The following DUSP8 variants were observed in gnomAD, a reference collection of about 807,000 sequenced individuals.
DUSP8 encodes dual specificity phosphatase 8.
DUSP8 carries 15 observed loss-of-function variants against 38.7 expected under a neutral mutation model. The ratio of observed to expected loss-of-function variants is 0.39; its 90% confidence interval spans 0.26 to 0.60. The LOEUF (loss-of-function observed/expected upper bound fraction) is 0.60, where lower values mean the gene tolerates loss of function less well. Among genes scored for constraint, DUSP8 ranks in the 20% least tolerant of loss-of-function variants. DUSP8 has a pLI of 0.56. For synonymous variants in DUSP8, 458 were observed against 433.9 expected, an observed-to-expected ratio of 1.06 and a Z score of -0.69; for missense variants, 768 against 915.0, an observed-to-expected ratio of 0.84 and a Z score of 2.07.
At chr11:1,562,690 T>TGC (rs1370811536) in intron 3 of DUSP8, among the ~76,000 whole-genome samples, 1 of 102,750 alleles carries the variant, frequency 9.7e-6, no homozygotes, top group Non-Finnish European at 2.1e-5. Flanking sequence ...TGCATGCACA[T>TGC]GCACACACAC....
At chr11:1,560,122 A>G (rs1157144362) in intron 3 of DUSP8, among the ~76,000 whole-genome samples, 1 of 152,066 alleles carries the variant, frequency 6.6e-6, no homozygotes, top group African/African-American at 2.4e-5. Flanking sequence ...ATGGCCCAGC[A>G]CCACCCCGAG....
chr11:1,556,171 A>T lies in DUSP8; in HGVS notation c.*347T>A. The T allele has an allele frequency of 4.7e-6, 1 of 214,420 alleles. No homozygotes were observed. The highest frequency in any genetic ancestry group is 9.2e-6 in the Non-Finnish European group (1 of 108,966). The allele number at this position is 214,420 out of a possible 1,614,324, so 13.3% of individuals were successfully genotyped here. ...TTTTTCACCTTTTTGTTATGTAAAAAGTGCACGAAAGCTCGGCAGCCTTTG... is the reference window on the plus strand; with the variant it reads ...TTTTTCACCTTTTTGTTATGTAAAATGTGCACGAAAGCTCGGCAGCCTTTG... On this transcript the variant is annotated 3_prime_UTR_variant, in exon 7 of 7. Transcript: ENST00000397374. The surrounding 1 kb of genome is among the most constrained non-coding windows in gnomAD (Gnocchi z 5.2).
chr11:1,565,891 G>T lies in DUSP8; in HGVS notation c.-65C>A. 1 of 1,399,252 alleles carries T rather than the reference G, an allele frequency of 7.1e-7. No individual in the cohort carries two copies. The highest frequency in any genetic ancestry group is 1.0e-6 in the Non-Finnish European group (1 of 993,858). 86.7% of individuals were successfully genotyped at this position (1,399,252 alleles called of 1,614,324 possible). A position where few individuals can be genotyped will look rare whatever the true frequency, so the allele number is the denominator to read the frequency against. On this transcript the variant is annotated 5_prime_UTR_variant, in exon 2 of 7. It adds an upstream start codon to the 5' untranslated region. Transcript: ENST00000397374. Reference sequence around the variant, plus strand: ...GAGGAGGGGCTGCTCCGACGGCCCAGGTGTGGCCTCGCGCTGGGAGTGACC... The same window carrying T: ...GAGGAGGGGCTGCTCCGACGGCCCATGTGTGGCCTCGCGCTGGGAGTGACC...
chr11:1,557,350 TC>T lies in DUSP8; in HGVS notation c.1045del (p.Glu349ArgfsTer4). ...SAATGNAAAR[E>X]GGLSAGGEPP... is the part of the protein sequence containing the mutation. ...CTCCCCGCCCGCGCTCAGGCCGCCC[TC>T]CCTGGCAGCCGCATTCCCTGTGGCA... On this transcript the variant is annotated frameshift_variant, in exon 7 of 7. Transcript: ENST00000397374. LOFTEE classifies it high-confidence loss of function. The surrounding 1 kb of genome is among the most constrained non-coding windows in gnomAD (Gnocchi z 9.9). 1.3e-6 allele frequency: 2 copies of T among 1,552,094 alleles called. No individual in the cohort carries two copies. The highest frequency in any genetic ancestry group is 1.2e-5 in the South Asian group (1 of 85,154).
chr11:1,565,573 C>G (rs149744898), intron 2 of DUSP8, 23 bp downstream of exon 2: 42,714 of 1,577,870 alleles, frequency 0.027, 681 homozygotes, highest in Non-Finnish European at 0.03. Flanking sequence ...TGATGCATGC[C>G]TGGTGGGCAG....
In DUSP8 at chr11:1,558,422, G is replaced by T; in HGVS notation, c.538-151C>A. 1 of 736,712 alleles carries T rather than the reference G, an allele frequency of 1.4e-6. No individual in the cohort carries two copies. 45.6% of individuals were successfully genotyped at this position (736,712 alleles called of 1,614,324 possible). A position where few individuals can be genotyped will look rare whatever the true frequency, so the allele number is the denominator to read the frequency against. ...CAGATCCCAGTGTATCCAGGGGAGGGCCCAGGAGGCCTCTCTGGTCCACCC... is the reference window on the plus strand; with the variant it reads ...CAGATCCCAGTGTATCCAGGGGAGGTCCCAGGAGGCCTCTCTGGTCCACCC... On this transcript the variant is annotated intron_variant, in intron 4 of 6. Transcript: ENST00000397374. This position sits in a 1 kb window ranked among gnomAD's most constrained non-coding sequence, Gnocchi z 6.3.
In DUSP8 at chr11:1,564,692, C is replaced by T. The variant is rs138810486; in HGVS notation, c.232-703G>A. On this transcript the variant is annotated intron_variant, in intron 2 of 6. Coordinates refer to ENST00000397374, the MANE Select transcript of DUSP8 (RefSeq NM_004420.3). ...GAGCCGCCAACCCTGGGCTGGGTGA[C>T]GTCACCGGCAGCCAATGGGATCGCA... is the stretch of plus-strand genomic sequence containing the variant. Among the ~76,000 whole-genome samples, 8 of 152,332 alleles carry T rather than the reference C, an allele frequency of 5.3e-5. No homozygotes were observed. In the East Asian group the frequency reaches 1.4e-3, roughly 26 times the overall value.
intron 1 of DUSP8, among the ~76,000 whole-genome samples, chr11:1,569,369 C>G (rs908865685): frequency 6.6e-6 from 1 of 152,148 alleles, no homozygotes; most frequent in Non-Finnish European, 1.5e-5. Flanking sequence ...TGCACACTGC[C>G]CTCTGTGCGT....
chr11:1,556,992 G>C lies in DUSP8; in HGVS notation c.1404C>G (p.Pro468=), dbSNP rs1023545484. ...CGAAGTTCAGGCCGAGGCTGTGCGC[G>C]GGGGAGCGCGCGGGGGAGCCGGCGG... The part of the protein sequence containing the change: ...RPPAGSPARS[P]AHSLGLNFGD... The change falls in exon 7 of 7, where the codon CCC becomes CCG. Residue 468 remains proline (P), a synonymous_variant. Transcript: ENST00000397374. This position sits in a 1 kb window ranked among gnomAD's most constrained non-coding sequence, Gnocchi z 5.2. The C allele has an allele frequency of 1.0e-4, 102 of 1,023,646 alleles. No homozygotes were observed. In the African/African-American group the frequency reaches 1.6e-3, roughly 16 times the overall value. The allele number at this position is 1,023,646 out of a possible 1,614,324, so 63.4% of individuals were successfully genotyped here.
Position 1,558,018 on chromosome 11 carries a change from GCTAC to G in DUSP8, c.697+90_697+93del. ...ACCCGCCCAACTGCCAACAGTTCCGGCTACTTCCTGGGGACCCCTCCTGTGTCTG... is the reference window on the plus strand; with the variant it reads ...ACCCGCCCAACTGCCAACAGTTCCGGTTCCTGGGGACCCCTCCTGTGTCTG... On this transcript the variant is annotated intron_variant, in intron 5 of 6. Coordinates refer to ENST00000397374, the MANE Select transcript of DUSP8 (RefSeq NM_004420.3). This position sits in a 1 kb window ranked among gnomAD's most constrained non-coding sequence, Gnocchi z 6.3. 1.2e-6 allele frequency: 2 copies of G among 1,610,392 alleles called. No homozygotes were observed. Among genetic ancestry groups the G allele is most frequent in the Middle Eastern group, 3.7e-4 (2 of 5,434 alleles).
In DUSP8 at chr11:1,565,984, C is replaced by A. The variant is rs1645028367; in HGVS notation, c.-108-50G>T. ...CAGTGCTGCGGGCCCCTGGGTGGCA[C>A]CCAGAAGCTCCCCAGGACAGATCAG... On this transcript the variant is annotated intron_variant, in intron 1 of 6. Coordinates refer to ENST00000397374, the MANE Select transcript of DUSP8 (RefSeq NM_004420.3). 3 of 628,536 alleles carry A rather than the reference C, an allele frequency of 4.8e-6. No homozygotes were observed. The East Asian group carries it at 8.3e-5, about 17-fold the overall frequency. The allele number at this position is 628,536 out of a possible 1,614,324, so 38.9% of individuals were successfully genotyped here.
chr11:1,557,103 G>C lies in DUSP8; in HGVS notation c.1293C>G (p.Ala431=). The change falls in exon 7 of 7, where the codon GCC becomes GCG. Residue 431 remains alanine, a synonymous_variant. Transcript: ENST00000397374. This position sits in a 1 kb window ranked among gnomAD's most constrained non-coding sequence, Gnocchi z 9.9. ...KLCKLDSPSG[A]ALGLSSPSPD... ...GGCTGGGCGAGGACAGGCCCAGCGC[G>C]GCCCCCGACGGGCTGTCCAGCTTGC... 7.3e-7 allele frequency: 1 copy of C among 1,363,628 alleles called. No individual in the cohort carries two copies. The highest frequency in any genetic ancestry group is 9.4e-7 in the Non-Finnish European group (1 of 1,066,466). The allele number at this position is 1,363,628 out of a possible 1,614,324, so 84.5% of individuals were successfully genotyped here.
chr11:1,568,627 T>C (rs1234905742), intron 1 of DUSP8, among the ~76,000 whole-genome samples: 1 of 152,044 alleles, frequency 6.6e-6, no homozygotes, highest in African/African-American at 2.4e-5. Flanking sequence ...CCCTGCTCTC[T>C]CCTACCCACC....
chr11:1,564,017 T>A, intron 2 of DUSP8, 28 bp from the exon 3 acceptor site: 1 of 1,428,984 alleles, frequency 7.0e-7, no homozygotes, highest in Non-Finnish European at 9.2e-7. Flanking sequence ...GAGATCAGCA[T>A]GCCGCCTCCA....
intron 3 of DUSP8, chr11:1,559,271 C>A: frequency 2.0e-6 from 1 of 509,524 alleles, no homozygotes; most frequent in Non-Finnish European, 3.4e-6. Context: ...CAGCCTGCAC[C>A]TACGCCCACA....
chr11:1,560,501 G>T (rs549236220), intron 3 of DUSP8, among the ~76,000 whole-genome samples: 2 of 152,182 alleles, frequency 1.3e-5, no homozygotes, highest in South Asian at 4.1e-4. Context: ...AGGGCGTGAC[G>T]CTGGGGGACT....
intron 1 of DUSP8, among the ~76,000 whole-genome samples, chr11:1,568,710 T>TC (rs1219165847): frequency 1.3e-5 from 2 of 152,148 alleles, no homozygotes; most frequent in East Asian, 3.9e-4. Context: ...GTCCTAACCT[T>TC]CCTTCCCACT....
At chr11:1,562,310 A>T (rs7934037) in intron 3 of DUSP8, among the ~76,000 whole-genome samples, 82,147 of 151,850 alleles carry the variant, frequency 0.54, 22,621 homozygotes, top group African/African-American at 0.56. Flanking sequence ...AGCCTCCAAG[A>T]AGAGTCTCCT....
chr11:1,557,929 G>A lies in DUSP8; in HGVS notation c.698-12C>T. The A allele has an allele frequency of 6.2e-7, 1 of 1,613,770 alleles. No homozygotes were observed. Among genetic ancestry groups the A allele is most frequent in the Non-Finnish European group, 8.5e-7 (1 of 1,180,014 alleles). On this transcript the variant is annotated splice_polypyrimidine_tract_variant and intron_variant, in intron 5 of 6. Coordinates refer to ENST00000397374, the MANE Select transcript of DUSP8 (RefSeq NM_004420.3). The surrounding 1 kb of genome is among the most constrained non-coding windows in gnomAD (Gnocchi z 9.9). ...GAGCTTGGCTTTATCTGGGCAGGTG[G>A]GCCATGGGGGCCAGGTGAGGGCTAA... is the stretch of plus-strand genomic sequence containing the variant.
Sources: gnomAD v4.1 joint callset for allele counts (sites outside exome capture counted in the v4.1 genomes callset) on GRCh38, gnomAD v4.1.1 for gene constraint, Gnocchi (gnomAD v3.1) non-coding constraint, MANE v1.5 for transcripts, NCBI Gene and HGNC (gene_info 2026-07-23, HGNC 2026-07-21) for gene names.